CX3CR1: variants seen among roughly 807,000 people sequenced by gnomAD.
CX3CR1 encodes C-X3-C motif chemokine receptor 1.
For synonymous variants in CX3CR1, 168 were observed against 178.5 expected, an observed-to-expected ratio of 0.94 and a Z score of 0.47; for missense variants, 363 against 432.4, an observed-to-expected ratio of 0.84 and a Z score of 1.42.
chr3:39,285,297 T>C (rs2040936609), upstream of CX3CR1, among the ~76,000 whole-genome samples: 1 of 152,000 alleles, frequency 6.6e-6, no homozygotes, highest in Non-Finnish European at 1.5e-5. Context: ...GGAGGATCAC[T>C]TGAGCCCAGG....
Position 39,266,061 on chromosome 3 carries a change from C to T in CX3CR1, c.449G>A (p.Ser150Asn). The part of the protein sequence containing the change: ...NRTVQHGVTI[S>N]LGVWAAAILV... ...AATGGCTGCTGCCCAGACGCCTAGG[C>T]TGATGGTGACGCCATGCTGCACGGT... The change falls in exon 2 of 2, where the codon AGC (serine) becomes AAC (asparagine). Residue 150 changes from serine to asparagine, a missense_variant. By Grantham distance (46) the Ser-to-Asn change is conservative. Transcript: ENST00000399220. 6.2e-7 allele frequency: 1 copy of T among 1,614,218 alleles called. No individual in the cohort carries two copies. Among genetic ancestry groups the T allele is most frequent in the East Asian group, 2.2e-5 (1 of 44,888 alleles).
chr3:39,265,759 T>A lies in CX3CR1; in HGVS notation c.751A>T (p.Ile251Phe), dbSNP rs754530168. The change falls in exon 2 of 2, where the codon ATT becomes TTT. Residue 251 changes from isoleucine (I) to phenylalanine (F), a missense_variant. Coordinates refer to ENST00000399220, the MANE Select transcript of CX3CR1 (RefSeq NM_001337.4). ...FLFWTPYNVMIFLETLKLYDF... is the reference protein window; with the variant it reads ...FLFWTPYNVMFFLETLKLYDF... Reference sequence around the variant, plus strand: ...TAGAGCTTAAGCGTCTCCAGGAAAATCATAACGTTGTAGGGTGTCCAGAAG... The same window carrying A: ...TAGAGCTTAAGCGTCTCCAGGAAAAACATAACGTTGTAGGGTGTCCAGAAG... 7 of 1,614,094 alleles carry A rather than the reference T, an allele frequency of 4.3e-6. No homozygotes were observed. The highest frequency in any genetic ancestry group is 1.1e-5 in the South Asian group (1 of 91,068).
At chr3:39,269,079 T>C (rs938139271) in intron 1 of CX3CR1, among the ~76,000 whole-genome samples, 2 of 152,140 alleles carry the variant, frequency 1.3e-5, no homozygotes, top group Admixed American at 6.5e-5. Flanking sequence ...AGCCACCCTT[T>C]ATTGAGCTTT....
At chr3:39,275,613 C>T (rs529247437) in intron 1 of CX3CR1, among the ~76,000 whole-genome samples, 5 of 152,182 alleles carry the variant, frequency 3.3e-5, no homozygotes, top group African/African-American at 1.2e-4. Flanking sequence ...GTTCTTGCAA[C>T]CTCTTAGTAG....
At chr3:39,280,230 G>T (rs1325122219), upstream of CX3CR1, 8 of 985,674 alleles carry the variant, frequency 8.1e-6, no homozygotes, top group Admixed American at 4.9e-4. Context: ...GGAGCTGGAG[G>T]GAGAGAGGTG....
upstream of CX3CR1, among the ~76,000 whole-genome samples, chr3:39,283,795 T>TTATATATA (rs59133796): frequency 0.017 from 1,080 of 64,904 alleles, 55 homozygotes; most frequent in East Asian, 0.037. Flanking sequence ...AAAAAAAAAA[T>TTATATATA]TATATATATA....
chr3:39,281,476 C>G (rs1315240649), upstream of CX3CR1: 4 of 836,770 alleles, frequency 4.8e-6, no homozygotes, highest in Non-Finnish European at 7.5e-6. Context: ...CTCTTGACGA[C>G]AGTCTCATCC....
chr3:39,281,458 G>T (rs36230461), upstream of CX3CR1: 2,346 of 782,046 alleles, frequency 3.0e-3, 32 homozygotes, highest in African/African-American at 0.034. Flanking sequence ...CTCTCTTCCT[G>T]TCCCACACTC....
intron 1 of CX3CR1, among the ~76,000 whole-genome samples, chr3:39,268,126 C>T (rs2040727630): frequency 6.6e-6 from 1 of 152,212 alleles, no homozygotes; most frequent in Admixed American, 6.5e-5. Context: ...AGGGCCCACC[C>T]AGCCAGGGTG....
In CX3CR1 at chr3:39,264,964, A is replaced by G. The variant is rs1317187113; in HGVS notation, c.*478T>C. ...CTGGGAATTTTGCCCTTGGGGCCAG[A>G]GAAACATGGGTGTCAGTCCCTCTCT... On this transcript the variant is annotated 3_prime_UTR_variant, in exon 2 of 2. Transcript: ENST00000399220. The G allele has an allele frequency of 6.5e-6, 1 of 153,222 alleles. No homozygotes were observed. Among genetic ancestry groups the G allele is most frequent in the Non-Finnish European group, 1.5e-5 (1 of 68,824 alleles). The allele number at this position is 153,222 out of a possible 1,614,324, so 9.5% of individuals were successfully genotyped here.
upstream of CX3CR1, among the ~76,000 whole-genome samples, chr3:39,280,783 T>C (rs372147224): frequency 2.0e-5 from 3 of 152,322 alleles, no homozygotes; most frequent in South Asian, 4.1e-4. Flanking sequence ...GGCTCCGGCA[T>C]CCAGCCATGC....
In CX3CR1 at chr3:39,279,973, G is replaced by A; in HGVS notation, c.-29C>T. On this transcript the variant is annotated 5_prime_UTR_variant, in exon 1 of 2. Transcript: ENST00000399220. ...ACCTACCTGGCGTGGACTGCCAAGGGAACCTCTGGATCTGCCAGTCAGCCA... is the reference window on the plus strand; with the variant it reads ...ACCTACCTGGCGTGGACTGCCAAGGAAACCTCTGGATCTGCCAGTCAGCCA... The A allele has an allele frequency of 5.1e-6, 5 of 985,508 alleles. No individual in the cohort carries two copies. The highest frequency in any genetic ancestry group is 6.0e-6 in the Non-Finnish European group (5 of 829,998). The allele number at this position is 985,508 out of a possible 1,614,324, so 61.0% of individuals were successfully genotyped here. A position where few individuals can be genotyped will look rare whatever the true frequency, so the allele number is the denominator to read the frequency against.
intron 1 of CX3CR1, among the ~76,000 whole-genome samples, chr3:39,267,246 T>C (rs1303746132): frequency 6.6e-6 from 1 of 152,144 alleles, no homozygotes; most frequent in Non-Finnish European, 1.5e-5. Flanking sequence ...GCAGCTGTAA[T>C]TCACACTTCC....
intron 1 of CX3CR1, among the ~76,000 whole-genome samples, chr3:39,267,151 C>A (rs913116166): frequency 2.0e-5 from 3 of 151,584 alleles, no homozygotes; most frequent in Non-Finnish European, 4.4e-5. Context: ...TCTCCAAAAG[C>A]TAGCTAGTTT....
chr3:39,279,177 A>G (rs2040870757), intron 1 of CX3CR1, among the ~76,000 whole-genome samples: 2 of 152,072 alleles, frequency 1.3e-5, no homozygotes, highest in Admixed American at 1.3e-4. Flanking sequence ...AAACACAAAC[A>G]AGAAAGAAAA....
upstream of CX3CR1, among the ~76,000 whole-genome samples, chr3:39,283,798 TATATATA>T (rs1559371951): frequency 0.056 from 1,602 of 28,636 alleles, 32 homozygotes; most frequent in Non-Finnish European, 0.084. Flanking sequence ...AAAAAAATTA[TATATATA>T]TATATATATA....
In CX3CR1 at chr3:39,280,028, G is replaced by A. The variant is rs765298566; in HGVS notation, c.-84C>T. 27 of 985,338 alleles carry A rather than the reference G, an allele frequency of 2.7e-5. No homozygotes were observed. The African/African-American group carries it at 4.0e-4, about 15-fold the overall frequency. 61.0% of individuals were successfully genotyped at this position (985,338 alleles called of 1,614,324 possible). On this transcript the variant is annotated 5_prime_UTR_variant, in exon 1 of 2. Coordinates refer to ENST00000399220, the MANE Select transcript of CX3CR1 (RefSeq NM_001337.4). The stretch of plus-strand genomic sequence containing the variant: ...GTCCTGCTCAGACTTTACCAGAGAC[G>A]AGTATTTCCCTTTCCTTCCCTCTAA...
the CX3CR1 span, chr3:39,287,458 G>A: frequency 2.6e-5 from 4 of 152,324 alleles, no homozygotes; most frequent in East Asian, 3.9e-4. Context: ...AATACACTTG[G>A]TGATGGAACC....
At chr3:39,269,063 G>A (rs530273676) in intron 1 of CX3CR1, among the ~76,000 whole-genome samples, 41 of 152,094 alleles carry the variant, frequency 2.7e-4, no homozygotes, top group African/African-American at 9.2e-4. Flanking sequence ...TATTTTGGGG[G>A]AGGTAAGCCA....
Sources: allele counts gnomAD v4.1 joint callset (sites outside exome capture counted in the v4.1 genomes callset), GRCh38; gene constraint gnomAD v4.1.1; transcripts MANE v1.5; gene names NCBI Gene and HGNC (gene_info 2026-07-23, HGNC 2026-07-21).